Variants in PLEKHG6 observed in about 807,000 individuals in gnomAD.
PLEKHG6 encodes pleckstrin homology domain-containing family G member 6.
Under a neutral mutation model 97.5 loss-of-function variants are expected in PLEKHG6, and 91 were observed. That is an observed-to-expected ratio of 0.93 (90% CI 0.79 to 1.11). PLEKHG6 has a LOEUF of 1.11. Ranked by LOEUF, PLEKHG6 falls within the 50% of genes most tolerant of loss-of-function variation. The pLI is 0.00. For synonymous variants in PLEKHG6, 466 were observed against 425.5 expected, an observed-to-expected ratio of 1.10 and a Z score of -1.17; for missense variants, 1,044 against 1,031.0, an observed-to-expected ratio of 1.01 and a Z score of -0.17.
rs1309876274 is a variant in PLEKHG6, at chr12:6,327,923, G to A, written c.2340G>A (p.Gln780=). The A allele has an allele frequency of 6.7e-7, 1 of 1,482,876 alleles. No homozygotes were observed. Among genetic ancestry groups the A allele is most frequent in the Non-Finnish European group, 9.0e-7 (1 of 1,117,082 alleles). 91.9% of individuals were successfully genotyped at this position (1,482,876 alleles called of 1,614,324 possible). The change falls in exon 15 of 16, where the codon CAG becomes CAA. Residue 780 remains glutamine (Q), a synonymous_variant. Coordinates refer to ENST00000684764, the MANE Select transcript of PLEKHG6 (RefSeq NM_001384598.1). ...LQRMRGPHII[Q]LDTPLSASEV ...GGATGCGGGGGCCCCACATCATTCA[G>A]CTGGACACCCCTCTGTCCGCATCGT... is the stretch of plus-strand genomic sequence containing the variant.
At chr12:6,318,040 G>T in intron 10 of PLEKHG6, 46 bp downstream of exon 10, 1 of 1,540,652 alleles carries the variant, frequency 6.5e-7, no homozygotes, top group South Asian at 1.2e-5. Flanking sequence ...AGGTCCCAGG[G>T]ATACTGGTGA....
rs772953315 is a variant in PLEKHG6 at position 6,317,528 on chromosome 12, C to G, written c.868-19C>G. Reference sequence around the variant, plus strand: ...GGCAGGAGGGAGCAAACCCTGAGCCCCACCCACCTTCCCTGCAGTGGTGTG... The same window carrying G: ...GGCAGGAGGGAGCAAACCCTGAGCCGCACCCACCTTCCCTGCAGTGGTGTG... On this transcript the variant is annotated intron_variant, in intron 8 of 15. Transcript: ENST00000684764. The G allele has an allele frequency of 6.2e-7, 1 of 1,612,684 alleles. No individual in the cohort carries two copies. Among genetic ancestry groups the G allele is most frequent in the South Asian group, 1.1e-5 (1 of 90,886 alleles).
rs1398338871 is a variant in PLEKHG6 at position 6,327,237 on chromosome 12, T to C, written c.1671-17T>C. On this transcript the variant is annotated splice_polypyrimidine_tract_variant and intron_variant, in intron 14 of 15. Coordinates refer to ENST00000684764, the MANE Select transcript of PLEKHG6 (RefSeq NM_001384598.1). ...AACTTGACCCCTACGCATCTGACTC[T>C]TTGCCATTAACTGTAGGACTCCTGA... The C allele has an allele frequency of 6.6e-7, 1 of 1,521,020 alleles. No homozygotes were observed. 94.2% of individuals were successfully genotyped at this position (1,521,020 alleles called of 1,614,324 possible).
rs1230394378 is a variant in PLEKHG6, at chr12:6,316,647, C to G, written c.756+243C>G. Among the ~76,000 whole-genome samples, 1 of 152,132 alleles carries G rather than the reference C, an allele frequency of 6.6e-6. No individual in the cohort carries two copies. Among genetic ancestry groups the G allele is most frequent in the Admixed American group, 6.5e-5 (1 of 15,284 alleles). On this transcript the variant is annotated intron_variant, in intron 7 of 15. Transcript: ENST00000684764. The surrounding 1 kb of genome is among the most constrained non-coding windows in gnomAD (Gnocchi z 4.1). The stretch of plus-strand genomic sequence containing the variant: ...AAATGCAGCTGTCTCAGAGAAGGGT[C>G]ACACCTTGGCTCCCATCAACTACAA...
chr12:6,324,299 C>CT (rs1555105543), intron 13 of PLEKHG6, among the ~76,000 whole-genome samples: 1 of 147,518 alleles, frequency 6.8e-6, no homozygotes, highest in Non-Finnish European at 1.5e-5. Flanking sequence ...CCCTCCCCCC[C>CT]CCGCCGCCTC....
rs775072903 is a variant in PLEKHG6, at chr12:6,315,128, A to T, written c.418A>T (p.Thr140Ser). Residue 140 changes from threonine (T) to serine (S), a missense_variant, in exon 4 of 16, where the codon ACC becomes TCC. Thr to Ser is a moderately conservative substitution (Grantham distance 58). Coordinates refer to ENST00000684764, the MANE Select transcript of PLEKHG6 (RefSeq NM_001384598.1). The surrounding 1 kb of genome is among the most constrained non-coding windows in gnomAD (Gnocchi z 4.5). ...AGGAGAGGGTGGCGACAGTGGCCTG[A>T]CCATCGAGAAGTCCTGGAGGGAGCT... The part of the protein sequence containing the change: ...EIGEGGDSGL[T>S]IEKSWRELVP... 4 of 1,612,300 alleles carry T rather than the reference A, an allele frequency of 2.5e-6. No individual in the cohort carries two copies. The South Asian group carries it at 4.4e-5, about 18-fold the overall frequency.
intron 13 of PLEKHG6, 114 bp from the exon 14 acceptor site, chr12:6,326,314 T>A: frequency 1.7e-6 from 1 of 601,968 alleles, no homozygotes; most frequent in South Asian, 2.7e-5. Context: ...CAAAAAATAA[T>A]AATAATAATA....
At position 6,319,026 on chromosome 12, in the gene PLEKHG6, A is replaced by G; in HGVS notation, c.1442A>G (p.Gln481Arg). 1 of 1,614,028 alleles carries G rather than the reference A, an allele frequency of 6.2e-7. No individual in the cohort carries two copies. The highest frequency in any genetic ancestry group is 8.5e-7 in the Non-Finnish European group (1 of 1,179,948). ...CTGCTGATCCACCTCACTGAATTCC[A>G]GTGTGTCTCCAGCGCCCTCCTTGTG... ...SFLLIHLTEF[Q>R]CVSSALLVHC... Residue 481 changes from glutamine (Q) to arginine (R), a missense_variant, in exon 13 of 16, where the codon CAG (glutamine) becomes CGG (arginine). Transcript: ENST00000684764.
intron 13 of PLEKHG6, chr12:6,319,537 T>C: frequency 1.3e-6 from 2 of 1,524,126 alleles, no homozygotes; most frequent in Non-Finnish European, 8.8e-7. Flanking sequence ...TGGGGTGGAT[T>C]CAGTTTCAGA....
At position 6,315,124 on chromosome 12, in the gene PLEKHG6, C is replaced by T. The variant is rs745841776; in HGVS notation, c.414C>T (p.Gly138=). The T allele has an allele frequency of 1.2e-6, 2 of 1,612,316 alleles. No individual in the cohort carries two copies. Among genetic ancestry groups the T allele is most frequent in the Non-Finnish European group, 1.7e-6 (2 of 1,179,970 alleles). The part of the protein sequence containing the change: ...HWEIGEGGDS[G]LTIEKSWREL... ...AGATAGGAGAGGGTGGCGACAGTGG[C>T]CTGACCATCGAGAAGTCCTGGAGGG... Residue 138 remains glycine, a synonymous_variant, in exon 4 of 16, where the codon GGC becomes GGT. Coordinates refer to ENST00000684764, the MANE Select transcript of PLEKHG6 (RefSeq NM_001384598.1). This position sits in a 1 kb window ranked among gnomAD's most constrained non-coding sequence, Gnocchi z 4.5.
rs1180135594 is a variant in PLEKHG6 at position 6,316,284 on chromosome 12, C to T, written c.636C>T (p.Val212=). The change falls in exon 7 of 16, where the codon GTC becomes GTT. Residue 212 remains valine, a synonymous_variant. Transcript: ENST00000684764. This position sits in a 1 kb window ranked among gnomAD's most constrained non-coding sequence, Gnocchi z 4.1. Reference sequence around the variant, plus strand: ...CAGCTGAGACCCTGTTTGGAAATGTCCCCAGCCTGATTCGAACCCACCGGA... The same window carrying T: ...CAGCTGAGACCCTGTTTGGAAATGTTCCCAGCCTGATTCGAACCCACCGGA... The part of the protein sequence containing the change: ...EVSAETLFGN[V]PSLIRTHRSF... The T allele has an allele frequency of 4.5e-6, 7 of 1,554,698 alleles. No individual in the cohort carries two copies. The South Asian group carries it at 8.3e-5, about 18-fold the overall frequency.
At position 6,315,925 on chromosome 12, in the gene PLEKHG6, T is replaced by A. The variant is rs1318850242; in HGVS notation, c.606+6T>A. 1 of 1,578,902 alleles carries A rather than the reference T, an allele frequency of 6.3e-7. No homozygotes were observed. The highest frequency in any genetic ancestry group is 1.2e-5 in the South Asian group (1 of 86,096). On this transcript the variant is annotated splice_donor_region_variant and intron_variant, in intron 6 of 15. Coordinates refer to ENST00000684764, the MANE Select transcript of PLEKHG6 (RefSeq NM_001384598.1). The surrounding 1 kb of genome is among the most constrained non-coding windows in gnomAD (Gnocchi z 4.5). Reference sequence around the variant, plus strand: ...GAGTGGGACTGCTGATGGAAGTGAGTGGGTGCTCAGGAGGGGACCCTGGCA... The same window carrying A: ...GAGTGGGACTGCTGATGGAAGTGAGAGGGTGCTCAGGAGGGGACCCTGGCA...
Position 6,327,827 on chromosome 12 carries a change from C to A in PLEKHG6, c.2244C>A (p.Ser748Arg). 2.0e-6 allele frequency: 3 copies of A among 1,510,754 alleles called. No individual in the cohort carries two copies. Among genetic ancestry groups the A allele is most frequent in the Non-Finnish European group, 2.7e-6 (3 of 1,130,188 alleles). 93.6% of individuals were successfully genotyped at this position (1,510,754 alleles called of 1,614,324 possible). Residue 748 changes from serine (S) to arginine (R), a missense_variant, in exon 15 of 16, where the codon AGC becomes AGA. Coordinates refer to ENST00000684764, the MANE Select transcript of PLEKHG6 (RefSeq NM_001384598.1). ...GAGAGATCCGGGAGGAGCTGGCCAG[C>A]CAAAGGATTGAGGGGGCCGAGGAGC... ...MLREIREELA[S>R]QRIEGAEEPR...
In PLEKHG6 at chr12:6,315,870, T is replaced by G; in HGVS notation, c.557T>G (p.Leu186Arg). The G allele has an allele frequency of 6.4e-7, 1 of 1,565,002 alleles. No individual in the cohort carries two copies. The highest frequency in any genetic ancestry group is 8.7e-7 in the Non-Finnish European group (1 of 1,154,392). ...YVRKLKIMTD[L>R]LAAGLLNLQR... ...AGACCCTCGTCTCCCTCCCTGCAGC[T>G]GCTAGCCGCCGGCCTGCTGAACCTG... The change falls in exon 6 of 16, where the codon CTG (leucine) becomes CGG (arginine). Residue 186 changes from leucine (L) to arginine (R), a missense_variant and splice_region_variant. Coordinates refer to ENST00000684764, the MANE Select transcript of PLEKHG6 (RefSeq NM_001384598.1). The surrounding 1 kb of genome is among the most constrained non-coding windows in gnomAD (Gnocchi z 4.5).
In PLEKHG6 at chr12:6,315,233, C is replaced by G. The variant is rs754982739; in HGVS notation, c.459+64C>G. On this transcript the variant is annotated intron_variant, in intron 4 of 15. Transcript: ENST00000684764. The surrounding 1 kb of genome is among the most constrained non-coding windows in gnomAD (Gnocchi z 4.5). ...CGTGAATGCACACACAGATTCTGCT[C>G]TAGAGGAGGGAAAGGCCTTGGGAAG... 20 of 1,488,484 alleles carry G rather than the reference C, an allele frequency of 1.3e-5. No individual in the cohort carries two copies. Among genetic ancestry groups the G allele is most frequent in the Non-Finnish European group, 1.8e-5 (20 of 1,100,130 alleles). 92.2% of individuals were successfully genotyped at this position (1,488,484 alleles called of 1,614,324 possible).
Position 6,315,659 on chromosome 12 carries a change from C to A in PLEKHG6, c.555+10C>A, listed in dbSNP as rs374422770. 25 of 1,548,824 alleles carry A rather than the reference C, an allele frequency of 1.6e-5. No homozygotes were observed. The highest frequency in any genetic ancestry group is 1.4e-4 in the African/African-American group (10 of 73,528). ...CAAGATCATGACTGATGTGAGCCCC[C>A]CTCAGCCCCAGCCCCGGCCCCATCT... is the stretch of plus-strand genomic sequence containing the variant. On this transcript the variant is annotated intron_variant, in intron 5 of 15. Coordinates refer to ENST00000684764, the MANE Select transcript of PLEKHG6 (RefSeq NM_001384598.1). The surrounding 1 kb of genome is among the most constrained non-coding windows in gnomAD (Gnocchi z 4.5).
intron 13 of PLEKHG6, among the ~76,000 whole-genome samples, chr12:6,322,773 C>T (rs1420190485): frequency 1.3e-5 from 2 of 152,068 alleles, no homozygotes; most frequent in Non-Finnish European, 1.5e-5. Flanking sequence ...CCCAGCTACT[C>T]GGGAGGCTGA....
chr12:6,318,284 C>G lies in PLEKHG6; in HGVS notation c.1156-17C>G. On this transcript the variant is annotated splice_polypyrimidine_tract_variant and intron_variant, in intron 10 of 15. Transcript: ENST00000684764. ...AGACTGCCGAGCGCCCTGACCCCTC[C>G]CCTCTGTGTCCCTCAGAACCTGCGC... 1 of 1,613,788 alleles carries G rather than the reference C, an allele frequency of 6.2e-7. No individual in the cohort carries two copies. The highest frequency in any genetic ancestry group is 8.5e-7 in the Non-Finnish European group (1 of 1,179,940).
chr12:6,319,202 C>A lies in PLEKHG6; in HGVS notation c.1524+94C>A, dbSNP rs1162470212. 18 of 813,814 alleles carry A rather than the reference C, an allele frequency of 2.2e-5. No individual in the cohort carries two copies. In the East Asian group the frequency reaches 3.5e-4, roughly 16 times the overall value. The allele number at this position is 813,814 out of a possible 1,614,324, so 50.4% of individuals were successfully genotyped here. ...GTGGATCACACCTGTAATCTCAGCA[C>A]TTTGGGAGGCTGAGGCAGGTGGATC... On this transcript the variant is annotated intron_variant, in intron 13 of 15. Coordinates refer to ENST00000684764, the MANE Select transcript of PLEKHG6 (RefSeq NM_001384598.1).
Sources: gnomAD v4.1 joint callset for allele counts (sites outside exome capture counted in the v4.1 genomes callset) on GRCh38, gnomAD v4.1.1 for gene constraint, Gnocchi (gnomAD v3.1) non-coding constraint, MANE v1.5 for transcripts, NCBI Gene and HGNC (gene_info 2026-07-23, HGNC 2026-07-21) for gene names.